RRBP1: variants seen among roughly 807,000 people sequenced by gnomAD.
The protein encoded by RRBP1 is ribosome binding protein 1, also known as ribosome-binding protein 1.
In RRBP1, 94 loss-of-function variants were observed where a neutral mutation model predicts 165.2. The ratio of observed to expected loss-of-function variants is 0.57; its 90% CI spans 0.48 to 0.68. The LOEUF is 0.68. Ranked by LOEUF, RRBP1 falls within the 30% of genes least tolerant of loss-of-function variation. RRBP1 has a pLI of 0.00. For missense variants in RRBP1, 1,676 were observed against 1,763.0 expected, an observed-to-expected ratio of 0.95 and a Z score of 0.88; for synonymous variants, 680 against 714.5, an observed-to-expected ratio of 0.95 and a Z score of 0.77.
intron 2 of RRBP1, among the ~76,000 whole-genome samples, chr20:17,670,184 C>T (rs530765987): frequency 3.3e-5 from 5 of 152,228 alleles, no homozygotes; most frequent in South Asian, 4.1e-4. Context: ...CTATTCTACT[C>T]CTATAACCCG....
At chr20:17,641,524 C>T (rs2036358424) in intron 5 of RRBP1, 2 of 527,288 alleles carry the variant, frequency 3.8e-6, no homozygotes, top group Non-Finnish European at 6.8e-6. Context: ...ACTGATGCTG[C>T]TTAACTTCCA....
chr20:17,665,105 T>TATA (rs1182229571), intron 2 of RRBP1, among the ~76,000 whole-genome samples: 1 of 148,898 alleles, frequency 6.7e-6, no homozygotes, highest in Admixed American at 6.6e-5. Flanking sequence ...TGTATACATA[T>TATA]ATATGTGGGG....
chr20:17,614,343 C>T (rs1182657988), intron 24 of RRBP1, 123 bp from the exon 25 acceptor site: 1 of 907,714 alleles, frequency 1.1e-6, no homozygotes, highest in African/African-American at 1.6e-5. Flanking sequence ...TCCAGTCCCT[C>T]AGAGAACAGG....
At chr20:17,619,479 C>G in intron 19 of RRBP1, 154 bp downstream of exon 19, 1 of 539,270 alleles carries the variant, frequency 1.9e-6, no homozygotes, top group Admixed American at 3.7e-5. Flanking sequence ...GACAGCCCAA[C>G]GAGGGGCCTG....
At chr20:17,620,685 G>T in intron 17 of RRBP1, 30 bp downstream of exon 17, 2 of 1,558,478 alleles carry the variant, frequency 1.3e-6, no homozygotes, top group Non-Finnish European at 8.8e-7. Context: ...GTGCTCCACG[G>T]CGCCGGGAGG....
intron 9 of RRBP1, 52 bp from the exon 10 acceptor site, chr20:17,627,734 G>A: frequency 6.6e-7 from 1 of 1,512,572 alleles, no homozygotes; most frequent in Non-Finnish European, 8.9e-7. Context: ...ACCCCAGGGG[G>A]TGTGGAGGAT....
chr20:17,673,090 T>A (rs530343794), intron 2 of RRBP1, among the ~76,000 whole-genome samples: 2 of 152,356 alleles, frequency 1.3e-5, no homozygotes, highest in East Asian at 3.9e-4. Context: ...TTGCGTAGAC[T>A]CGTGATAGTG....
chr20:17,620,544 G>A (rs931454511), intron 17 of RRBP1, 171 bp downstream of exon 17: 3 of 805,482 alleles, frequency 3.7e-6, no homozygotes, highest in African/African-American at 1.7e-5. Context: ...CTAGGCGGGG[G>A]CCTCCTGGAG....
In RRBP1 at chr20:17,641,879, T is replaced by G. The variant is rs1406934502; in HGVS notation, c.2102A>C (p.Gln701Pro). The change falls in exon 5 of 25, where the codon CAG (glutamine) becomes CCG (proline). Residue 701 changes from glutamine (Q) to proline (P), a missense_variant. Gln to Pro is a moderately conservative substitution (Grantham distance 76, BLOSUM62 -1). Around this residue, in one of 5 missense-constraint regions of RRBP1, gnomAD observed 1,184 missense variants for 1,167.1 expected, o/e 1.01. Coordinates refer to ENST00000377813, the MANE Select transcript of RRBP1 (RefSeq NM_001365613.2). Reference sequence around the variant, plus strand: ...CAGCAGTTTTTCCTTCTCTTCCAGCTGGCGTTTCAGAATCGCCACAGGGTC... The same window carrying G: ...CAGCAGTTTTTCCTTCTCTTCCAGCGGGCGTTTCAGAATCGCCACAGGGTC... ...KGDPVAILKR[Q>P]LEEKEKLLAT... The G allele has an allele frequency of 6.2e-7, 1 of 1,614,142 alleles. No homozygotes were observed. The highest frequency in any genetic ancestry group is 8.5e-7 in the Non-Finnish European group (1 of 1,180,000).
chr20:17,669,638 T>C (rs1225335127), intron 2 of RRBP1, among the ~76,000 whole-genome samples: 1 of 152,224 alleles, frequency 6.6e-6, no homozygotes, highest in Non-Finnish European at 1.5e-5. Flanking sequence ...AACCCAAGTT[T>C]CCAGATGGGA....
Position 17,621,687 on chromosome 20 carries a change from T to C in RRBP1, c.3324+3A>G, listed in dbSNP as rs1409689286. 2 of 1,613,404 alleles carry C rather than the reference T, an allele frequency of 1.2e-6. No homozygotes were observed. The highest frequency in any genetic ancestry group is 3.3e-5 in the Admixed American group (2 of 59,998). ...AGGAGCCTTGCCAGGCAGCCACACT[T>C]ACCGAGGAGGGCTCCGCGGGAGCTG... On this transcript the variant is annotated splice_donor_region_variant and intron_variant, in intron 15 of 24. Transcript: ENST00000377813.
intron 2 of RRBP1, among the ~76,000 whole-genome samples, chr20:17,671,195 A>C (rs2036971314): frequency 1.3e-5 from 2 of 152,176 alleles, no homozygotes; most frequent in African/African-American, 4.8e-5. Context: ...TCTTCCTCAT[A>C]GGTATTTTCA....
chr20:17,623,594 C>T (rs1376711691), intron 13 of RRBP1, among the ~76,000 whole-genome samples: 1 of 152,190 alleles, frequency 6.6e-6, no homozygotes, highest in Non-Finnish European at 1.5e-5. Flanking sequence ...CCTCTGTTCC[C>T]CGAGTGCTCG....
intron 12 of RRBP1, 37 bp from the exon 13 acceptor site, chr20:17,624,705 C>G (rs375623804): frequency 1.3e-5 from 19 of 1,447,210 alleles, no homozygotes; most frequent in Non-Finnish European, 1.8e-5. Flanking sequence ...GCAGCCTGCA[C>G]TGGCAGCACG....
intron 3 of RRBP1, among the ~76,000 whole-genome samples, chr20:17,658,054 C>T (rs1171298229): frequency 6.6e-6 from 1 of 152,170 alleles, no homozygotes; most frequent in Non-Finnish European, 1.5e-5. Context: ...ATTATTGCTC[C>T]TAATTCCTCA....
At chr20:17,641,661 C>T (rs532950017) in intron 5 of RRBP1, 136 bp downstream of exon 5, 36 of 1,092,978 alleles carry the variant, frequency 3.3e-5, no homozygotes, top group Admixed American at 1.8e-4. Context: ...GCAGCAGTCC[C>T]TACTCAGCAG....
rs540431026 is a variant in RRBP1 at position 17,629,650 on chromosome 20, T to C, written c.2749+173A>G. ...GCTGACTGCGCCCCCCGCCAGCCCC[T>C]GACTGGGCATAATCCCCTGCTCTTT... On this transcript the variant is annotated intron_variant, in intron 9 of 24. Transcript: ENST00000377813. 1.1e-4 allele frequency among the ~76,000 whole-genome samples: 16 copies of C among 149,498 alleles called. 2 individuals carry two copies. The South Asian group carries it at 3.4e-3, about 32-fold the overall frequency.
rs1018529500 is a variant in RRBP1, at chr20:17,680,067, A to G, written c.-90T>C. The G allele has an allele frequency of 5.9e-5, 9 of 152,312 alleles. No individual in the cohort carries two copies. The highest frequency in any genetic ancestry group is 2.2e-4 in the African/African-American group (9 of 41,470). The allele number at this position is 152,312 out of a possible 1,614,324, so 9.4% of individuals were successfully genotyped here. On this transcript the variant is annotated 5_prime_UTR_variant, in exon 2 of 25. Coordinates refer to ENST00000377813, the MANE Select transcript of RRBP1 (RefSeq NM_001365613.2). ...GCACCTCCAGGACCTCAGAACCGGA[A>G]GCTTCTTTCTGGAAGGGAAAGAGGT...
intron 3 of RRBP1, among the ~76,000 whole-genome samples, chr20:17,651,248 G>A (rs1392320409): frequency 6.6e-6 from 1 of 152,186 alleles, no homozygotes; most frequent in Admixed American, 6.5e-5. Context: ...CAGCAGCACC[G>A]TGTGAGGAGT....
Sources: allele counts gnomAD v4.1 joint callset (sites outside exome capture counted in the v4.1 genomes callset), GRCh38; gene constraint gnomAD v4.1.1; regional missense constraint gnomAD v4.1.1; transcripts MANE v1.5; gene names NCBI Gene and HGNC (gene_info 2026-07-23, HGNC 2026-07-21).